LEMD1: variants seen among roughly 807,000 people sequenced by gnomAD.
The protein encoded by LEMD1 is LEM domain containing 1.
Under a neutral mutation model 17.4 loss-of-function variants are expected in LEMD1, and 18 were observed. The ratio of observed to expected loss-of-function variants is 1.04; its 90% CI spans 0.72 to 1.54. The LOEUF is 1.54. LEMD1 is among the 40% of genes most tolerant of loss of function. The pLI is 0.00. For synonymous variants in LEMD1, 88 were observed against 77.8 expected (o/e 1.13, Z -0.69); for missense variants, 195 against 210.4 (o/e 0.93, Z 0.45).
At chr1:205,420,949 G>GTT (rs5780280) in intron 1 of LEMD1, among the ~76,000 whole-genome samples, 12 of 139,666 alleles carry the variant, frequency 8.6e-5, no homozygotes, top group Middle Eastern at 3.7e-3. Flanking sequence ...GAGCTGAGAG[G>GTT]TTTTTTTTTT....
At chr1:205,400,265 G>C (rs953436707) in intron 4 of LEMD1, among the ~76,000 whole-genome samples, 2 of 152,104 alleles carry the variant, frequency 1.3e-5, no homozygotes, top group African/African-American at 4.8e-5. Flanking sequence ...GTCTCACTAT[G>C]TTGCCCACTA....
At chr1:205,394,394 A>T (rs1243135211) in intron 4 of LEMD1, among the ~76,000 whole-genome samples, 1 of 121,916 alleles carries the variant, frequency 8.2e-6, no homozygotes, top group African/African-American at 3.1e-5. Flanking sequence ...TTAATTAATT[A>T]ATTTTTTGAG....
intron 1 of LEMD1, among the ~76,000 whole-genome samples, chr1:205,449,562 T>C (rs75748414): frequency 0.02 from 2,997 of 152,014 alleles, 93 homozygotes; most frequent in African/African-American, 0.069. Flanking sequence ...AATCCTGCAT[T>C]CCCCAACAAC....
chr1:205,410,690 G>A lies in LEMD1; in HGVS notation c.270+5542C>T, dbSNP rs1034235840. Among the ~76,000 whole-genome samples, 3 of 152,192 alleles carry A rather than the reference G, an allele frequency of 2.0e-5. No individual in the cohort carries two copies. In the East Asian group the frequency reaches 5.8e-4, roughly 29 times the overall value. On this transcript the variant is annotated intron_variant, in intron 4 of 5. Transcript: ENST00000367153. Reference sequence around the variant, plus strand: ...AGCCTGCGGCAAAAACTCCTGGGCAGGGGTGGGGTGGAGACTGAATGAAAA... The same window carrying A: ...AGCCTGCGGCAAAAACTCCTGGGCAAGGGTGGGGTGGAGACTGAATGAAAA...
At chr1:205,419,442 A>G (rs1476960542) in intron 2 of LEMD1, 90 bp from the exon 3 acceptor site, 1 of 1,416,314 alleles carries the variant, frequency 7.1e-7, no homozygotes, top group African/African-American at 1.4e-5. Context: ...TCAGAATTTT[A>G]TTCTTAACCC....
intron 4 of LEMD1, among the ~76,000 whole-genome samples, chr1:205,408,875 A>T (rs950283649): frequency 5.9e-5 from 9 of 152,100 alleles, no homozygotes; most frequent in African/African-American, 2.2e-4. Context: ...AACAACAACA[A>T]AAAACAAGGC....
chr1:205,384,340 G>T lies in LEMD1; in HGVS notation c.295C>A (p.Arg99Ser). The change falls in exon 5 of 6, where the codon CGC (arginine) becomes AGC (serine). Residue 99 changes from arginine to serine, a missense_variant. Transcript: ENST00000367153. ...KKWPEASTTK[R>S]KAVDTYCLDY... ...AAGCAATAGGTATCTACAGCTTTGC[G>T]TTTAGTGGTGGAAGCCTCAGGCCAC... is the stretch of plus-strand genomic sequence containing the variant. 2 of 1,521,268 alleles carry T rather than the reference G, an allele frequency of 1.3e-6. No individual in the cohort carries two copies. Among genetic ancestry groups the T allele is most frequent in the Non-Finnish European group, 1.8e-6 (2 of 1,135,164 alleles). 94.2% of individuals were successfully genotyped at this position (1,521,268 alleles called of 1,614,324 possible). A position where few individuals can be genotyped will look rare whatever the true frequency, so the allele number is the denominator to read the frequency against.
At chr1:205,439,552 C>T (rs112124456) in intron 1 of LEMD1, among the ~76,000 whole-genome samples, 45 of 152,340 alleles carry the variant, frequency 3.0e-4, no homozygotes, top group Middle Eastern at 6.8e-3. Context: ...TTTGCCCTCC[C>T]TAGTTGCCCA....
intron 4 of LEMD1, among the ~76,000 whole-genome samples, chr1:205,393,907 G>T (rs1228275199): frequency 6.7e-6 from 1 of 150,340 alleles, no homozygotes; most frequent in Non-Finnish European, 1.5e-5. Context: ...GAACATGAAT[G>T]TTCATAGTGG....
At chr1:205,384,653 A>T (rs1260481383) in intron 4 of LEMD1, among the ~76,000 whole-genome samples, 1 of 152,136 alleles carries the variant, frequency 6.6e-6, no homozygotes, top group Non-Finnish European at 1.5e-5. Context: ...TATCAGCTCT[A>T]TTTTGCTTCT....
chr1:205,405,247 C>T (rs1199229421), intron 4 of LEMD1, among the ~76,000 whole-genome samples: 3 of 148,724 alleles, frequency 2.0e-5, no homozygotes, highest in Admixed American at 6.7e-5. Context: ...TGAATGTTGG[C>T]CTGCCTTGCT....
chr1:205,404,122 C>G (rs1314449836), intron 4 of LEMD1, among the ~76,000 whole-genome samples: 1 of 151,778 alleles, frequency 6.6e-6, no homozygotes, highest in East Asian at 1.9e-4. Context: ...TTACTTCCAG[C>G]TATGTGGTCA....
At chr1:205,429,242 A>C (rs1456703044) in intron 1 of LEMD1, among the ~76,000 whole-genome samples, 1 of 152,190 alleles carries the variant, frequency 6.6e-6, no homozygotes, top group Non-Finnish European at 1.5e-5. Flanking sequence ...GATGAAGGAG[A>C]TGCTGCAACT....
chr1:205,406,856 C>A (rs923857166), intron 4 of LEMD1, among the ~76,000 whole-genome samples: 1 of 152,110 alleles, frequency 6.6e-6, no homozygotes, highest in Non-Finnish European at 1.5e-5. Flanking sequence ...CTTGGCTCCT[C>A]CCCCCAATAT....
chr1:205,427,962 T>C (rs1666078928), intron 1 of LEMD1, among the ~76,000 whole-genome samples: 1 of 151,976 alleles, frequency 6.6e-6, no homozygotes, highest in East Asian at 1.9e-4. Context: ...TAAGGAGAAG[T>C]GTGGATGTTT....
At chr1:205,427,160 G>A (rs185231338) in intron 1 of LEMD1, among the ~76,000 whole-genome samples, 119 of 152,210 alleles carry the variant, frequency 7.8e-4, no homozygotes, top group African/African-American at 2.8e-3. Context: ...CTGTGAAATG[G>A]AAATGTAGTC....
chr1:205,415,734 G>A (rs112699217), intron 4 of LEMD1, among the ~76,000 whole-genome samples: 13 of 152,266 alleles, frequency 8.5e-5, no homozygotes, highest in African/African-American at 2.2e-4. Flanking sequence ...CCAAAATCAC[G>A]CTTCCAGGAA....
At chr1:205,442,738 T>G (rs1363247216) in intron 1 of LEMD1, among the ~76,000 whole-genome samples, 1 of 152,132 alleles carries the variant, frequency 6.6e-6, no homozygotes, top group African/African-American at 2.4e-5. Context: ...TATATATAGT[T>G]AGCAGAGAGC....
At chr1:205,408,482 T>TTTTCTTTC (rs201539359) in intron 4 of LEMD1, among the ~76,000 whole-genome samples, 6 of 147,524 alleles carry the variant, frequency 4.1e-5, no homozygotes, top group South Asian at 2.1e-4. Flanking sequence ...TTTAATAACT[T>TTTTCTTTC]TTTCTTTCTT....
Sources: allele counts gnomAD v4.1 joint callset (sites outside exome capture counted in the v4.1 genomes callset), GRCh38; gene constraint gnomAD v4.1.1; transcripts MANE v1.5; gene names NCBI Gene and HGNC (gene_info 2026-07-23, HGNC 2026-07-21).